FCHO2: variants seen among roughly 807,000 people sequenced by gnomAD.
The protein encoded by FCHO2 is FCH and mu domain containing endocytic adaptor 2.
In FCHO2, 43 loss-of-function variants were observed where a neutral mutation model predicts 114.1. The ratio of observed to expected loss-of-function variants is 0.38; its 90% CI spans 0.30 to 0.49. FCHO2 has a LOEUF of 0.49. Ranked by LOEUF, FCHO2 falls within the 20% of genes least tolerant of loss-of-function variation. The pLI is 0.97. For missense variants in FCHO2, 807 were observed against 950.4 expected (o/e 0.85, Z 1.98); for synonymous variants, 293 against 315.2 (o/e 0.93, Z 0.75).
At chr5:72,960,156 G>T (rs2112578802) in intron 1 of FCHO2, among the ~76,000 whole-genome samples, 1 of 152,142 alleles carries the variant, frequency 6.6e-6, no homozygotes, top group East Asian at 1.9e-4. Context: ...CTTTTTTGTT[G>T]TGACATTTCA....
In FCHO2 at chr5:73,034,671, G is replaced by A. The variant is rs1045151043; in HGVS notation, c.811G>A (p.Glu271Lys). ...GKERPGLIEFEECDTASAVEG... is the reference protein window; with the variant it reads ...GKERPGLIEFKECDTASAVEG... ...TTTTTTTCCAGGCCTCATTGAATTT[G>A]AAGAATGTGACACTGCTAGTGCAGT... The change falls in exon 9 of 26, where the codon GAA becomes AAA. Residue 271 changes from glutamate (E) to lysine (K), a missense_variant. Coordinates refer to ENST00000430046, the MANE Select transcript of FCHO2 (RefSeq NM_138782.3). 1.9e-5 allele frequency: 30 copies of A among 1,596,932 alleles called. No individual in the cohort carries two copies. Among genetic ancestry groups the A allele is most frequent in the Non-Finnish European group, 2.6e-5 (30 of 1,174,122 alleles).
intron 2 of FCHO2, among the ~76,000 whole-genome samples, chr5:72,984,667 A>T (rs915027204): frequency 6.6e-6 from 1 of 152,076 alleles, no homozygotes; most frequent in Non-Finnish European, 1.5e-5. Context: ...AAAATTTATT[A>T]TTATTATTAT....
intron 5 of FCHO2, among the ~76,000 whole-genome samples, chr5:73,003,038 G>T (rs911271077): frequency 2.0e-5 from 3 of 151,908 alleles, no homozygotes; most frequent in African/African-American, 7.3e-5. Flanking sequence ...TTGAGTCAGG[G>T]TCTCTGTTGT....
chr5:73,039,026 A>G (rs915373802), intron 10 of FCHO2, among the ~76,000 whole-genome samples: 2 of 152,178 alleles, frequency 1.3e-5, no homozygotes, highest in Non-Finnish European at 2.9e-5. Flanking sequence ...CTTATCAATA[A>G]TTTCCCAATA....
chr5:73,041,191 A>C (rs956619529), intron 10 of FCHO2, 100 bp from the exon 11 acceptor site: 4 of 715,528 alleles, frequency 5.6e-6, no homozygotes, highest in African/African-American at 1.8e-5. Flanking sequence ...TGTAGAGTTT[A>C]AATAAAAGCT....
intron 5 of FCHO2, chr5:72,996,951 G>C: frequency 6.2e-7 from 1 of 1,606,060 alleles, no homozygotes; most frequent in Non-Finnish European, 8.5e-7. Flanking sequence ...CTGGGGCTGC[G>C]CACGTTCGTG....
chr5:72,985,175 T>A (rs1753440115), intron 2 of FCHO2, among the ~76,000 whole-genome samples: 1 of 152,122 alleles, frequency 6.6e-6, no homozygotes, highest in Non-Finnish European at 1.5e-5. Flanking sequence ...TACTTTTTTT[T>A]TTTTGGACTG....
At chr5:73,063,795 T>C in intron 17 of FCHO2, 46 bp from the exon 18 acceptor site, 2 of 1,521,532 alleles carry the variant, frequency 1.3e-6, no homozygotes, top group Non-Finnish European at 1.8e-6. Context: ...TAAGGATTGC[T>C]ACATACTAAT....
At chr5:73,007,139 G>C (rs1471579669) in intron 6 of FCHO2, among the ~76,000 whole-genome samples, 2 of 152,118 alleles carry the variant, frequency 1.3e-5, no homozygotes, top group Admixed American at 1.3e-4. Flanking sequence ...TACATACCAA[G>C]AATTTTATTC....
chr5:72,960,109 A>C (rs1248946132), intron 1 of FCHO2, among the ~76,000 whole-genome samples: 3 of 152,238 alleles, frequency 2.0e-5, no homozygotes, highest in Non-Finnish European at 2.9e-5. Context: ...CAAACAACCT[A>C]TTAATTGTTT....
intron 13 of FCHO2, chr5:73,052,888 C>T (rs1580172211): frequency 6.4e-6 from 1 of 157,118 alleles, no homozygotes; most frequent in Admixed American, 6.5e-5. Context: ...TATATATTTG[C>T]ATTTTTTTTA....
At chr5:73,036,271 C>T (rs115066816) in intron 9 of FCHO2, among the ~76,000 whole-genome samples, 49 of 152,256 alleles carry the variant, frequency 3.2e-4, no homozygotes, top group Admixed American at 1.1e-3. Flanking sequence ...ATGGTAGAAT[C>T]CATTTATAGC....
intron 2 of FCHO2, among the ~76,000 whole-genome samples, chr5:72,973,453 T>G (rs1182600160): frequency 6.6e-5 from 10 of 152,184 alleles, no homozygotes; most frequent in Non-Finnish European, 1.5e-4. Context: ...GTTGAGGAAT[T>G]TATCCATTTC....
chr5:73,018,009 T>C (rs1045984255), intron 8 of FCHO2, among the ~76,000 whole-genome samples: 1 of 149,662 alleles, frequency 6.7e-6, no homozygotes, highest in African/African-American at 2.6e-5. Flanking sequence ...CTTTAATCTA[T>C]TTATTAGTTA....
intron 9 of FCHO2, 45 bp downstream of exon 9, chr5:73,034,746 T>C: frequency 6.9e-7 from 1 of 1,453,916 alleles, no homozygotes; most frequent in Non-Finnish European, 9.3e-7. Flanking sequence ...GGCAGCTAGC[T>C]AGTATCTTCT....
intron 5 of FCHO2, among the ~76,000 whole-genome samples, chr5:73,002,275 A>G (rs918717423): frequency 1.3e-5 from 2 of 152,196 alleles, no homozygotes; most frequent in East Asian, 1.9e-4. Flanking sequence ...TTAGAATTCT[A>G]GAGACTACGT....
intron 8 of FCHO2, among the ~76,000 whole-genome samples, chr5:73,021,635 C>G (rs1432410687): frequency 6.6e-6 from 1 of 152,078 alleles, no homozygotes; most frequent in Non-Finnish European, 1.5e-5. Flanking sequence ...TCAAAAGTGC[C>G]AGAGAACTTA....
chr5:73,076,611 T>C (rs1456963367), intron 20 of FCHO2, among the ~76,000 whole-genome samples: 1 of 152,142 alleles, frequency 6.6e-6, no homozygotes, highest in African/African-American at 2.4e-5. Flanking sequence ...TGGCCTGAGG[T>C]GCAGAAATTG....
At position 73,049,576 on chromosome 5, in the gene FCHO2, GA is replaced by G. The variant is rs547107549; in HGVS notation, c.940-1766del. Among the ~76,000 whole-genome samples, 7 of 151,774 alleles carry G rather than the reference GA, an allele frequency of 4.6e-5. No homozygotes were observed. In the South Asian group the frequency reaches 1.5e-3, roughly 32 times the overall value. On this transcript the variant is annotated intron_variant, in intron 11 of 25. Transcript: ENST00000430046. Reference sequence around the variant, plus strand: ...AGGCATGCCCAGTTTTCTTTAACTTGAAAAAAACCTTTTTCTGAACACCTGA... The same window carrying G: ...AGGCATGCCCAGTTTTCTTTAACTTGAAAAAACCTTTTTCTGAACACCTGA...
Sources: gnomAD v4.1 joint callset for allele counts (sites outside exome capture counted in the v4.1 genomes callset) on GRCh38, gnomAD v4.1.1 for gene constraint, MANE v1.5 for transcripts, NCBI Gene and HGNC (gene_info 2026-07-23, HGNC 2026-07-21) for gene names.